LRP1B: variants seen among roughly 807,000 people sequenced by gnomAD.
LRP1B encodes low-density lipoprotein receptor-related protein 1B.
In LRP1B, 217 loss-of-function variants were observed where a neutral mutation model predicts 556.6. The ratio of observed to expected loss-of-function variants is 0.39; its 90% CI spans 0.35 to 0.44. LRP1B has a LOEUF of 0.44. Among genes scored for constraint, LRP1B ranks in the 20% least tolerant of loss-of-function variants. LRP1B has a pLI of 1.00. For missense variants in LRP1B, 5,053 were observed against 5,620.8 expected (o/e 0.90, Z 3.23); for synonymous variants, 2,047 against 1,865.8 (o/e 1.10, Z -2.50).
At chr2:141,967,302 C>A (rs1397336512) in intron 1 of LRP1B, among the ~76,000 whole-genome samples, 1 of 151,754 alleles carries the variant, frequency 6.6e-6, no homozygotes, top group East Asian at 1.9e-4. Context: ...ATCACAAGTG[C>A]TTTATTAAAA....
intron 68 of LRP1B, among the ~76,000 whole-genome samples, chr2:140,374,783 G>C (rs1683146964): frequency 6.6e-6 from 1 of 152,070 alleles, no homozygotes; most frequent in Non-Finnish European, 1.5e-5. Flanking sequence ...ACTGTCACAT[G>C]ATTATAATAA....
At chr2:141,193,689 A>G (rs1452279563) in intron 6 of LRP1B, among the ~76,000 whole-genome samples, 2 of 151,786 alleles carry the variant, frequency 1.3e-5, no homozygotes, top group African/African-American at 4.8e-5. Flanking sequence ...AAGTTTACCT[A>G]TGTAACAAAC....
chr2:140,437,701 T>C (rs779883395), intron 66 of LRP1B, among the ~76,000 whole-genome samples: 1 of 152,198 alleles, frequency 6.6e-6, no homozygotes, highest in Non-Finnish European at 1.5e-5. Flanking sequence ...AAAGTATATC[T>C]ACATAGAATA....
chr2:140,707,408 A>G, intron 37 of LRP1B, among the ~76,000 whole-genome samples: 1 of 152,116 alleles, frequency 6.6e-6, no homozygotes, highest in East Asian at 1.9e-4. Flanking sequence ...TAAGAGAAAC[A>G]AAAAAGAAAG....
At chr2:142,023,334 G>A (rs956280082) in intron 1 of LRP1B, among the ~76,000 whole-genome samples, 2 of 152,192 alleles carry the variant, frequency 1.3e-5, no homozygotes, top group Middle Eastern at 3.4e-3. Context: ...TGGTATCCGC[G>A]TATTCATTTC....
intron 2 of LRP1B, among the ~76,000 whole-genome samples, chr2:141,732,047 C>G (rs976513069): frequency 1.3e-5 from 2 of 152,102 alleles, no homozygotes; most frequent in Non-Finnish European, 2.9e-5. Context: ...CTCCATTCAC[C>G]CATCCAATAT....
intron 1 of LRP1B, among the ~76,000 whole-genome samples, chr2:141,971,461 T>C (rs1701730550): frequency 6.6e-6 from 1 of 151,518 alleles, no homozygotes; most frequent in Non-Finnish European, 1.5e-5. Flanking sequence ...GCTTGTTCAA[T>C]ATCAGGGCCT....
Position 141,019,961 on chromosome 2 carries a change from A to G in LRP1B, c.1931T>C (p.Met644Thr). 2 of 1,611,066 alleles carry G rather than the reference A, an allele frequency of 1.2e-6. No homozygotes were observed. Among genetic ancestry groups the G allele is most frequent in the Non-Finnish European group, 1.7e-6 (2 of 1,178,138 alleles). The part of the protein sequence containing the change: ...QSRKTLLEGE[M>T]SHPRGIVVDP... Reference sequence around the variant, plus strand: ...CACCACAATTCCTCTGGGATGAGACATTTCACCCTCTAAAAGAGTCTTCCG... The same window carrying G: ...CACCACAATTCCTCTGGGATGAGACGTTTCACCCTCTAAAAGAGTCTTCCG... The change falls in exon 12 of 91, where the codon ATG becomes ACG. Residue 644 changes from methionine (M) to threonine (T), a missense_variant. This residue lies in a region of LRP1B where 3,619 missense variants were observed against 3,931.9 expected (regional missense o/e 0.92). Transcript: ENST00000389484.
rs566018524 is a variant in LRP1B, at chr2:141,098,282, G to GA, written c.1014-36010dup. On this transcript the variant is annotated intron_variant, in intron 7 of 90. Transcript: ENST00000389484. ...AAAATATCATATATGAATTTGAACA[G>GA]AAAAAAATGGTTATTATTCAAATAT... Among the ~76,000 whole-genome samples the GA allele has an allele frequency of 2.6e-3, 403 of 152,142 alleles. 1 individual carries two copies. Among genetic ancestry groups the GA allele is most frequent in the Non-Finnish European group, 4.0e-3 (274 of 67,980 alleles).
intron 66 of LRP1B, among the ~76,000 whole-genome samples, chr2:140,398,574 TG>T (rs2105223497): frequency 6.6e-6 from 1 of 152,232 alleles, no homozygotes; most frequent in Non-Finnish European, 1.5e-5. Context: ...TTACCCAGGC[TG>T]GAGTGCAATG....
chr2:140,491,157 C>T (rs952760389), intron 57 of LRP1B, among the ~76,000 whole-genome samples: 2 of 152,080 alleles, frequency 1.3e-5, no homozygotes, highest in African/African-American at 4.8e-5. Flanking sequence ...TAGACATGTA[C>T]TGAGCTACAA....
chr2:142,106,836 G>A (rs1004825733), intron 1 of LRP1B, among the ~76,000 whole-genome samples: 4 of 151,968 alleles, frequency 2.6e-5, no homozygotes, highest in South Asian at 2.1e-4. Context: ...AACAATTATT[G>A]TATCCTGCTT....
intron 3 of LRP1B, among the ~76,000 whole-genome samples, chr2:141,360,684 T>C (rs1053951890): frequency 6.6e-6 from 1 of 152,196 alleles, no homozygotes; most frequent in Non-Finnish European, 1.5e-5. Context: ...AGCATCAGAA[T>C]GGTGCTTAAA....
chr2:141,357,298 C>T (rs1445052790), intron 3 of LRP1B, among the ~76,000 whole-genome samples: 1 of 152,060 alleles, frequency 6.6e-6, no homozygotes, highest in African/African-American at 2.4e-5. Flanking sequence ...TTGTGATCCA[C>T]CTGCCTCCGC....
intron 11 of LRP1B, among the ~76,000 whole-genome samples, chr2:141,036,370 T>C (rs775746488): frequency 6.6e-6 from 1 of 152,032 alleles, no homozygotes; most frequent in Non-Finnish European, 1.5e-5. Flanking sequence ...AAGGCAAAAC[T>C]GGAAACCTGA....
At chr2:141,795,360 A>G (rs1695767877) in intron 2 of LRP1B, among the ~76,000 whole-genome samples, 1 of 152,052 alleles carries the variant, frequency 6.6e-6, no homozygotes, top group Admixed American at 6.6e-5. Context: ...ATAAAAAAAT[A>G]TTATGTTGTG....
At chr2:140,373,281 T>G (rs1683073505) in intron 68 of LRP1B, 144 bp from the exon 69 acceptor site, 3 of 695,652 alleles carry the variant, frequency 4.3e-6, no homozygotes, top group Non-Finnish European at 7.0e-6. Flanking sequence ...AAAAACAACA[T>G]AGATGTAATT....
chr2:141,470,879 A>G (rs1017442363), intron 3 of LRP1B, among the ~76,000 whole-genome samples: 8 of 152,224 alleles, frequency 5.3e-5, no homozygotes, highest in Non-Finnish European at 7.3e-5. Context: ...ATGTTATAAC[A>G]AGGTAGTATT....
chr2:140,301,756 CAT>C (rs1683833773), intron 83 of LRP1B, among the ~76,000 whole-genome samples: 1 of 151,452 alleles, frequency 6.6e-6, no homozygotes. Context: ...TATATATACA[CAT>C]ATATGTATAT....
Sources: gnomAD v4.1 joint callset for allele counts (sites outside exome capture counted in the v4.1 genomes callset) on GRCh38, gnomAD v4.1.1 for gene constraint, gnomAD v4.1.1 regional missense constraint, MANE v1.5 for transcripts, NCBI Gene and HGNC (gene_info 2026-07-23, HGNC 2026-07-21) for gene names.